Variants in SLC6A11 observed in about 807,000 individuals in gnomAD.
SLC6A11 encodes the protein solute carrier family 6 member 11.
Under a neutral mutation model 74.8 loss-of-function variants are expected in SLC6A11, and 25 were observed. That is an observed-to-expected ratio of 0.33 (90% confidence interval 0.24 to 0.47). SLC6A11 has a LOEUF of 0.47. Ranked by LOEUF, SLC6A11 falls within the 20% of genes least tolerant of loss-of-function variation. The probability of loss-of-function intolerance (pLI) is 1.00; values close to 1 mark genes in which losing one functional copy is unlikely to be tolerated. For synonymous variants in SLC6A11, 330 were observed against 330.2 expected (o/e 1.00, Z 0.01); for missense variants, 574 against 837.0 (o/e 0.69, Z 3.88).
intron 6 of SLC6A11, among the ~76,000 whole-genome samples, chr3:10,886,543 C>T (rs547332327): frequency 6.6e-6 from 1 of 152,204 alleles, no homozygotes; most frequent in Non-Finnish European, 1.5e-5. Flanking sequence ...TATGGTGGCT[C>T]ATGCCTGTAA....
In SLC6A11 at chr3:10,864,628, A is replaced by G. The variant is rs940233957; in HGVS notation, c.757-10333A>G. 3.9e-5 allele frequency among the ~76,000 whole-genome samples: 6 copies of G among 151,944 alleles called. No individual in the cohort carries two copies. The East Asian group carries it at 5.9e-4, about 15-fold the overall frequency. On this transcript the variant is annotated intron_variant, in intron 5 of 13. Coordinates refer to ENST00000254488, the MANE Select transcript of SLC6A11 (RefSeq NM_014229.3). Reference sequence around the variant, plus strand: ...TTCAACTCAGCTTTGATTTCCTTCTATCCTTTTAAATTGGAGTAGATCTTA... The same window carrying G: ...TTCAACTCAGCTTTGATTTCCTTCTGTCCTTTTAAATTGGAGTAGATCTTA...
At chr3:10,904,571 T>A (rs1695279688) in intron 6 of SLC6A11, among the ~76,000 whole-genome samples, 1 of 152,180 alleles carries the variant, frequency 6.6e-6, no homozygotes, top group African/African-American at 2.4e-5. Context: ...TGTTTTCCCT[T>A]CAAATTGTGT....
chr3:10,831,612 TGAGGTTATAGAGAGA>T (rs1004992889), intron 4 of SLC6A11, among the ~76,000 whole-genome samples: 3 of 152,052 alleles, frequency 2.0e-5, no homozygotes. Flanking sequence ...CGGGGGTAAG[TGAGGTTATAGAGAGA>T]GAGGCTTACT....
At chr3:10,909,109 CAAAA>C (rs34230224) in intron 6 of SLC6A11, among the ~76,000 whole-genome samples, 8 of 104,038 alleles carry the variant, frequency 7.7e-5, no homozygotes, top group Non-Finnish European at 9.9e-5. Flanking sequence ...ACATCCCCAG[CAAAA>C]AAAAAAAAAA....
chr3:10,935,032 A>T lies in SLC6A11; in HGVS notation c.1579A>T (p.Ile527Phe). ...MIMTPGICAGIFIFFLIKYKP... is the reference protein window; with the variant it reads ...MIMTPGICAGFFIFFLIKYKP... ...ACCTGCCCCCATCTCTCTGCAGGGG[A>T]TCTTCATCTTCTTCTTGATCAAGTA... Residue 527 changes from isoleucine to phenylalanine, a missense_variant, in exon 13 of 14, where the codon ATC (isoleucine) becomes TTC (phenylalanine). This residue lies in a region of SLC6A11 where 257 missense variants were observed against 341.5 expected (regional missense o/e 0.75). Transcript: ENST00000254488. 6.2e-7 allele frequency: 1 copy of T among 1,609,770 alleles called. No homozygotes were observed. The highest frequency in any genetic ancestry group is 8.5e-7 in the Non-Finnish European group (1 of 1,176,616).
At chr3:10,869,463 C>G (rs1694803925) in intron 5 of SLC6A11, among the ~76,000 whole-genome samples, 3 of 152,252 alleles carry the variant, frequency 2.0e-5, no homozygotes, top group African/African-American at 7.2e-5. Flanking sequence ...TGGAGGAATC[C>G]TCTGCCTGTG....
intron 5 of SLC6A11, among the ~76,000 whole-genome samples, chr3:10,850,135 T>C (rs1446856014): frequency 1.3e-5 from 2 of 152,176 alleles, no homozygotes; most frequent in African/African-American, 2.4e-5. Flanking sequence ...ATTAAAATAA[T>C]TTATGCAAAC....
intron 6 of SLC6A11, among the ~76,000 whole-genome samples, chr3:10,909,471 G>A (rs914971674): frequency 3.9e-5 from 6 of 152,278 alleles, no homozygotes; most frequent in Middle Eastern, 3.4e-3. Context: ...CTCATAGAGC[G>A]TTTATTCACC....
chr3:10,863,232 G>A (rs539442574), intron 5 of SLC6A11, among the ~76,000 whole-genome samples: 1 of 152,318 alleles, frequency 6.6e-6, no homozygotes, highest in South Asian at 2.1e-4. Flanking sequence ...AAGGCAGAAT[G>A]AAATAAGGGC....
At chr3:10,852,276 A>T (rs1369109676) in intron 5 of SLC6A11, among the ~76,000 whole-genome samples, 2 of 152,232 alleles carry the variant, frequency 1.3e-5, no homozygotes, top group Non-Finnish European at 2.9e-5. Flanking sequence ...GCCAAACAGG[A>T]GAGCCCCTGC....
At chr3:10,866,976 C>CAT (rs1694770240) in intron 5 of SLC6A11, among the ~76,000 whole-genome samples, 1 of 152,128 alleles carries the variant, frequency 6.6e-6, no homozygotes, top group South Asian at 2.1e-4. Context: ...CCTGGGAATG[C>CAT]AGGTAGTAGT....
At position 10,837,187 on chromosome 3, in the gene SLC6A11, T is replaced by C. The variant is rs115578746; in HGVS notation, c.624-7027T>C. On this transcript the variant is annotated intron_variant, in intron 4 of 13. Transcript: ENST00000254488. ...TTAGAATATAGATAACTGGGGAGAA[T>C]TGGGAAGGATGTTCCCAGCCGAGGG... Among the ~76,000 whole-genome samples the C allele has an allele frequency of 2.2e-3, 340 of 152,234 alleles. 1 individual carries two copies. Among genetic ancestry groups the C allele is most frequent in the African/African-American group, 8.0e-3 (331 of 41,532 alleles).
intron 5 of SLC6A11, among the ~76,000 whole-genome samples, chr3:10,864,500 G>A (rs746466645): frequency 2.0e-5 from 3 of 151,916 alleles, no homozygotes; most frequent in East Asian, 2.0e-4. Flanking sequence ...GGAGATATTC[G>A]TTGACCTTGG....
intron 4 of SLC6A11, among the ~76,000 whole-genome samples, chr3:10,825,997 A>G (rs1694204614): frequency 6.6e-6 from 1 of 152,228 alleles, no homozygotes; most frequent in Non-Finnish European, 1.5e-5. Context: ...TTCTAAATGA[A>G]TTTCAGAATC....
intron 5 of SLC6A11, among the ~76,000 whole-genome samples, chr3:10,866,248 T>A (rs1601372): frequency 0.35 from 53,618 of 152,166 alleles, 9,825 homozygotes; most frequent in South Asian, 0.53. Context: ...CTTTAAGGAC[T>A]TGACCTGGAA....
At chr3:10,853,191 C>T (rs747823857) in intron 5 of SLC6A11, among the ~76,000 whole-genome samples, 11 of 152,172 alleles carry the variant, frequency 7.2e-5, no homozygotes, top group African/African-American at 1.4e-4. Flanking sequence ...AAAGGTACCC[C>T]GAGGCCAGCA....
At chr3:10,818,748 G>A (rs935612785) in intron 1 of SLC6A11, among the ~76,000 whole-genome samples, 1 of 152,220 alleles carries the variant, frequency 6.6e-6, no homozygotes, top group Non-Finnish European at 1.5e-5. Context: ...GGGTGTAATA[G>A]TTCATGCTCA....
At chr3:10,883,073 G>T (rs570059208) in intron 6 of SLC6A11, among the ~76,000 whole-genome samples, 92 of 152,210 alleles carry the variant, frequency 6.0e-4, no homozygotes, top group Non-Finnish European at 9.9e-4. Flanking sequence ...AGGTGGGGGG[G>T]CGCTTTGAAC....
chr3:10,934,527 G>A (rs1040744557), intron 12 of SLC6A11, among the ~76,000 whole-genome samples: 4 of 152,230 alleles, frequency 2.6e-5, no homozygotes, highest in African/African-American at 9.6e-5. Context: ...CAGAGCCAAG[G>A]GTGACACTGG....
Sources: allele counts gnomAD v4.1 joint callset (sites outside exome capture counted in the v4.1 genomes callset), GRCh38; gene constraint gnomAD v4.1.1; regional missense constraint gnomAD v4.1.1; transcripts MANE v1.5; gene names NCBI Gene and HGNC (gene_info 2026-07-23, HGNC 2026-07-21).